ARL3: variants seen among roughly 807,000 people sequenced by gnomAD.
The protein encoded by ARL3 is ARF like GTPase 3.
ARL3 carries 9 observed loss-of-function variants against 26.0 expected under a neutral mutation model. That is an observed-to-expected ratio of 0.35 (90% CI 0.21 to 0.60). The LOEUF is 0.60. Among genes scored for constraint, ARL3 ranks in the 20% least tolerant of loss-of-function variants. ARL3 has a pLI of 0.78. For missense variants in ARL3, 158 were observed against 215.7 expected (o/e 0.73, Z 1.67); for synonymous variants, 71 against 78.4 (o/e 0.91, Z 0.50).
chr10:102,709,784 G>GCA (rs1458603888), intron 1 of ARL3, among the ~76,000 whole-genome samples: 3 of 152,028 alleles, frequency 2.0e-5, no homozygotes, highest in African/African-American at 7.2e-5. Context: ...TGTAATCCCA[G>GCA]CACTTCGGGA....
chr10:102,708,908 A>ATATATATATATATATATT lies in ARL3; in HGVS notation c.4-3420_4-3419insAATATATATATATATATA. ...ATATTATATATATATATATATATATATTTTTTTTTTTTTTGAGACAAGGTC... is the reference window on the plus strand; with the variant it reads ...ATATTATATATATATATATATATATATATATATATATATATATTTTTTTTTTTTTTTTGAGACAAGGTC... On this transcript the variant is annotated intron_variant, in intron 1 of 5. Coordinates refer to ENST00000260746, the MANE Select transcript of ARL3 (RefSeq NM_004311.4). Among the ~76,000 whole-genome samples the ATATATATATATATATATT allele has an allele frequency of 7.1e-4, 68 of 95,298 alleles. 1 individual carries two copies. Among genetic ancestry groups the ATATATATATATATATATT allele is most frequent in the South Asian group, 7.4e-4 (2 of 2,712 alleles). The allele number at this position is 95,298 out of a possible 152,430, so 62.5% of individuals were successfully genotyped here.
intron 1 of ARL3, 129 bp from the exon 2 acceptor site, chr10:102,705,618 A>C: frequency 2.1e-6 from 2 of 948,942 alleles, no homozygotes; most frequent in Non-Finnish European, 2.9e-6. Flanking sequence ...TTTTCATTCT[A>C]ATGCCACTTA....
At chr10:102,691,570 T>G (rs1296326177) in intron 3 of ARL3, among the ~76,000 whole-genome samples, 1 of 152,122 alleles carries the variant, frequency 6.6e-6, no homozygotes, top group Non-Finnish European at 1.5e-5. Context: ...TGTGAAACAT[T>G]ATTCTTTTGG....
chr10:102,684,401 G>A (rs906607103), intron 5 of ARL3, among the ~76,000 whole-genome samples: 10 of 151,812 alleles, frequency 6.6e-5, no homozygotes, highest in East Asian at 1.9e-4. Flanking sequence ...TGCCTGCCTC[G>A]GCCTCCCAAA....
rs1361638178 is a variant in ARL3 at position 102,675,873 on chromosome 10, C to T, written c.*1021G>A. 1 of 152,594 alleles carries T rather than the reference C, an allele frequency of 6.6e-6. No individual in the cohort carries two copies. The highest frequency in any genetic ancestry group is 1.9e-4 in the East Asian group (1 of 5,202). The allele number at this position is 152,594 out of a possible 1,614,324, so 9.5% of individuals were successfully genotyped here. ...CTAAAAATCGATCTGCCTGGCTTTT[C>T]TCAGTGGAGCAGGTTCATGGTAAAG... On this transcript the variant is annotated 3_prime_UTR_variant, in exon 6 of 6. Transcript: ENST00000260746.
At chr10:102,680,200 T>TC (rs2064149106) in intron 5 of ARL3, among the ~76,000 whole-genome samples, 1 of 152,296 alleles carries the variant, frequency 6.6e-6, no homozygotes, top group East Asian at 1.9e-4. Flanking sequence ...CACCTCAGTC[T>TC]CCCAAAGTGC....
At chr10:102,690,715 C>T (rs1333512235) in intron 3 of ARL3, among the ~76,000 whole-genome samples, 2 of 152,058 alleles carry the variant, frequency 1.3e-5, no homozygotes, top group Non-Finnish European at 2.9e-5. Context: ...TATTATTTCT[C>T]GGCCTAAAGA....
intron 5 of ARL3, among the ~76,000 whole-genome samples, chr10:102,684,310 G>A (rs1022974275): frequency 1.4e-4 from 21 of 151,962 alleles, no homozygotes; most frequent in African/African-American, 5.1e-4. Context: ...CACCACACCC[G>A]GCTAATTTTT....
At chr10:102,691,470 C>A (rs2136001277) in intron 3 of ARL3, among the ~76,000 whole-genome samples, 1 of 152,198 alleles carries the variant, frequency 6.6e-6, no homozygotes, top group South Asian at 2.1e-4. Context: ...TAGAAGGCAA[C>A]CACAGAAAAT....
At position 102,695,269 on chromosome 10, in the gene ARL3, A is replaced by G. The variant is rs2064241003; in HGVS notation, c.264+4104T>C. Among the ~76,000 whole-genome samples, 9 of 152,270 alleles carry G rather than the reference A, an allele frequency of 5.9e-5. No homozygotes were observed. The South Asian group carries it at 1.4e-3, about 25-fold the overall frequency. On this transcript the variant is annotated intron_variant, in intron 3 of 5. Transcript: ENST00000260746. ...TGAGTTTTCCTATCCATGAGCACGG[A>G]CTGTCTCTTTATTTACCTAGATCTT...
At chr10:102,703,739 G>A (rs533801403) in intron 2 of ARL3, among the ~76,000 whole-genome samples, 4 of 150,742 alleles carry the variant, frequency 2.7e-5, no homozygotes, top group East Asian at 2.0e-4. Context: ...CACCACGCCC[G>A]GCCCAGGACT....
intron 1 of ARL3, among the ~76,000 whole-genome samples, chr10:102,712,805 T>C (rs916957585): frequency 6.7e-6 from 1 of 149,268 alleles, no homozygotes; most frequent in African/African-American, 2.5e-5. Context: ...TTTGTACTCA[T>C]TTGTTGAGAA....
At chr10:102,684,379 G>A (rs908491802) in intron 5 of ARL3, among the ~76,000 whole-genome samples, 30 of 152,170 alleles carry the variant, frequency 2.0e-4, no homozygotes, top group African/African-American at 6.7e-4. Context: ...TCGATCTCCT[G>A]ACCTCGTGAT....
At chr10:102,683,996 G>A (rs377439940) in intron 5 of ARL3, among the ~76,000 whole-genome samples, 3 of 152,094 alleles carry the variant, frequency 2.0e-5, no homozygotes, top group Non-Finnish European at 2.9e-5. Context: ...GTTAATTCTC[G>A]CTTTGCTTTT....
At chr10:102,681,997 T>C (rs992607289) in intron 5 of ARL3, among the ~76,000 whole-genome samples, 1 of 152,132 alleles carries the variant, frequency 6.6e-6, no homozygotes, top group Non-Finnish European at 1.5e-5. Context: ...TGTTCACTAT[T>C]TTCTAGACAC....
rs201294366 is a variant in ARL3 at position 102,711,650 on chromosome 10, C to T, written c.3+2623G>A. ...CGGGCGCCCATAGTCCCATCTGCTG[C>T]GGAGGCTAAGGCAGGAGAATGGCGT... On this transcript the variant is annotated intron_variant, in intron 1 of 5. Coordinates refer to ENST00000260746, the MANE Select transcript of ARL3 (RefSeq NM_004311.4). Among the ~76,000 whole-genome samples, 34 of 151,956 alleles carry T rather than the reference C, an allele frequency of 2.2e-4. No individual in the cohort carries two copies. In the East Asian group the frequency reaches 5.6e-3, roughly 25 times the overall value.
chr10:102,681,713 G>C (rs1478806055), intron 5 of ARL3, among the ~76,000 whole-genome samples: 1 of 152,168 alleles, frequency 6.6e-6, no homozygotes, highest in African/African-American at 2.4e-5. Context: ...CTGGCTTAAG[G>C]TTATGGGAGG....
intron 1 of ARL3, 142 bp downstream of exon 1, chr10:102,714,131 C>T: frequency 9.1e-7 from 1 of 1,101,294 alleles, no homozygotes; most frequent in Non-Finnish European, 1.2e-6. Context: ...CGCCGACCCC[C>T]GAAATCAGTC....
chr10:102,681,263 G>A (rs910297174), intron 5 of ARL3, among the ~76,000 whole-genome samples: 6 of 151,828 alleles, frequency 4.0e-5, no homozygotes, highest in Non-Finnish European at 8.8e-5. Context: ...GTGGTGGTGG[G>A]CATCTGTAAT....
Sources: gnomAD v4.1 joint callset for allele counts (sites outside exome capture counted in the v4.1 genomes callset) on GRCh38, gnomAD v4.1.1 for gene constraint, MANE v1.5 for transcripts, NCBI Gene and HGNC (gene_info 2026-07-23, HGNC 2026-07-21) for gene names.